Variants in TMEM9B observed in about 807,000 individuals in gnomAD.
TMEM9B encodes the protein TMEM9 domain family member B.
A neutral mutation model predicts 23.5 loss-of-function variants in TMEM9B; 8 were observed. That is an observed-to-expected ratio of 0.34 (90% CI 0.20 to 0.61). The LOEUF (loss-of-function observed/expected upper bound fraction) is 0.61. TMEM9B is among the 20% of genes least tolerant of loss of function. The pLI, the probability that TMEM9B is intolerant of heterozygous loss-of-function variation, is 0.78. For synonymous variants in TMEM9B, 106 were observed against 96.3 expected (o/e 1.10, Z -0.59); for missense variants, 197 against 252.3 (o/e 0.78, Z 1.49).
Position 8,964,243 on chromosome 11 carries a change from A to G in TMEM9B, c.71T>C (p.Val24Ala). Residue 24 changes from valine to alanine, a missense_variant, in exon 1 of 5, where the codon GTG becomes GCG. Around this residue, in one of 2 missense-constraint regions of TMEM9B, gnomAD observed 56 missense variants for 38.2 expected, o/e 1.46. Transcript: ENST00000534025. The stretch of plus-strand genomic sequence containing the variant: ...GTCTGACAGCTGCGCCAGCAGCAGC[A>G]CGGAAAGCGCCAGGCACGACAGGCT... ...LLSLSCLALS[V>A]LLLAQLSDAA... 2 of 1,595,094 alleles carry G rather than the reference A, an allele frequency of 1.3e-6. No homozygotes were observed. Among genetic ancestry groups the G allele is most frequent in the Non-Finnish European group, 1.7e-6 (2 of 1,171,740 alleles).
chr11:8,963,923 G>A, intron 1 of TMEM9B: 1 of 468,392 alleles, frequency 2.1e-6, no homozygotes, highest in East Asian at 3.9e-5. Context: ...CCGGGGCTGG[G>A]AAGGGAAATG....
chr11:8,948,518 G>A, intron 4 of TMEM9B, 43 bp from the exon 5 acceptor site: 2 of 1,594,464 alleles, frequency 1.3e-6, no homozygotes, highest in Non-Finnish European at 8.6e-7. Flanking sequence ...GGCACAGTCA[G>A]TGTAAAACAT....
At chr11:8,951,642 C>A (rs1853877601) in intron 4 of TMEM9B, among the ~76,000 whole-genome samples, 1 of 151,606 alleles carries the variant, frequency 6.6e-6, no homozygotes, top group African/African-American at 2.4e-5. Context: ...CCTGTAGTTC[C>A]AGCTACTTGG....
At chr11:8,960,138 GTTTTTTT>G (rs10550659) in intron 2 of TMEM9B, among the ~76,000 whole-genome samples, 2 of 83,702 alleles carry the variant, frequency 2.4e-5, no homozygotes, top group African/African-American at 4.3e-5. Context: ...CTTTGTTTCT[GTTTTTTT>G]TTTTTTTTTT....
At chr11:8,948,551 C>A in intron 4 of TMEM9B, 76 bp from the exon 5 acceptor site, 2 of 1,517,588 alleles carry the variant, frequency 1.3e-6, no homozygotes, top group Non-Finnish European at 1.8e-6. Flanking sequence ...GTGACCAGCC[C>A]GCCACAGAAA....
chr11:8,956,124 C>G, intron 3 of TMEM9B, 66 bp downstream of exon 3: 1 of 1,476,402 alleles, frequency 6.8e-7, no homozygotes, highest in Admixed American at 1.9e-5. Flanking sequence ...TGTCTAGAAA[C>G]CATCCAGAAG....
chr11:8,963,815 G>A (rs80027082), intron 1 of TMEM9B, among the ~76,000 whole-genome samples: 3,104 of 152,208 alleles, frequency 0.02, 49 homozygotes, highest in Middle Eastern at 0.034. Context: ...CGGGGCCTGT[G>A]AGGCTGGCGG....
chr11:8,948,596 C>G (rs1853819328), intron 4 of TMEM9B, 121 bp from the exon 5 acceptor site: 1 of 1,170,930 alleles, frequency 8.5e-7, no homozygotes, highest in African/African-American at 1.5e-5. Context: ...AACAGAGCAT[C>G]TATTTAGCTA....
intron 4 of TMEM9B, among the ~76,000 whole-genome samples, chr11:8,950,571 C>G (rs1272725586): frequency 2.0e-5 from 3 of 152,238 alleles, no homozygotes; most frequent in African/African-American, 7.2e-5. Context: ...GGTCTGCTCT[C>G]TATCCATCAG....
At chr11:8,952,017 G>C (rs1853885390) in intron 4 of TMEM9B, among the ~76,000 whole-genome samples, 1 of 151,864 alleles carries the variant, frequency 6.6e-6, no homozygotes. Context: ...GCTGAGGCAG[G>C]AGAATTGCTT....
chr11:8,962,968 T>C (rs1328201716), intron 1 of TMEM9B: 2 of 152,274 alleles, frequency 1.3e-5, no homozygotes, highest in Non-Finnish European at 2.9e-5. Context: ...GTGATATGTC[T>C]GGCAGAGCTA....
rs1425113073 is a variant in TMEM9B, at chr11:8,948,181, GT to G, written c.*138del. ...TTAACAAGAAAAAAAAATCAAGCAA[GT>G]TTTTGCTTCCAGTTTTGAATCTTCC... On this transcript the variant is annotated 3_prime_UTR_variant, in exon 5 of 5. Transcript: ENST00000534025. The G allele has an allele frequency of 4.7e-5, 53 of 1,116,794 alleles. No individual in the cohort carries two copies. The highest frequency in any genetic ancestry group is 5.6e-5 in the Non-Finnish European group (45 of 799,612). 69.2% of individuals were successfully genotyped at this position (1,116,794 alleles called of 1,614,324 possible). A position where few individuals can be genotyped will look rare whatever the true frequency, so the allele number is the denominator to read the frequency against.
rs932423688 is a variant in TMEM9B, at chr11:8,957,335, T to C, written c.198-1037A>G. Among the ~76,000 whole-genome samples, 1 of 152,246 alleles carries C rather than the reference T, an allele frequency of 6.6e-6. No individual in the cohort carries two copies. The highest frequency in any genetic ancestry group is 2.4e-5 in the African/African-American group (1 of 41,470). On this transcript the variant is annotated intron_variant, in intron 2 of 4. Transcript: ENST00000534025. This position sits in a 1 kb window ranked among gnomAD's most constrained non-coding sequence, Gnocchi z 4.3. ...TGTGTAAACACAGTGCTATCAGATT[T>C]TTCCTAGAAATCTGTCAATTCTAAG...
chr11:8,957,826 T>C lies in TMEM9B; in HGVS notation c.198-1528A>G, dbSNP rs943187674. 4.6e-5 allele frequency among the ~76,000 whole-genome samples: 7 copies of C among 152,254 alleles called. No individual in the cohort carries two copies. The highest frequency in any genetic ancestry group is 7.2e-5 in the African/African-American group (3 of 41,468). ...TCTTATATGAATTGAAACATCACTATGTATCCCATAAATACGTACAGTTAT... is the reference window on the plus strand; with the variant it reads ...TCTTATATGAATTGAAACATCACTACGTATCCCATAAATACGTACAGTTAT... On this transcript the variant is annotated intron_variant, in intron 2 of 4. Transcript: ENST00000534025. This position sits in a 1 kb window ranked among gnomAD's most constrained non-coding sequence, Gnocchi z 4.3.
chr11:8,951,259 C>T (rs796532554), intron 4 of TMEM9B, among the ~76,000 whole-genome samples: 2 of 152,232 alleles, frequency 1.3e-5, no homozygotes, highest in African/African-American at 2.4e-5. Context: ...AGACTTTCAA[C>T]GTCTATGCCT....
In TMEM9B at chr11:8,953,293, C is replaced by T. The variant is rs185313584; in HGVS notation, c.351G>A (p.Leu117=). 2.5e-6 allele frequency: 4 copies of T among 1,613,708 alleles called. No individual in the cohort carries two copies. Among genetic ancestry groups the T allele is most frequent in the Non-Finnish European group, 3.4e-6 (4 of 1,179,960 alleles). ...IYLSILGLLL[L]YMVYLTLVEP... Reference sequence around the variant, plus strand: ...CAACCAGAGTAAGATATACCATGTACAGAAGTAGAAGGCCCAAAATGGAGA... The same window carrying T: ...CAACCAGAGTAAGATATACCATGTATAGAAGTAGAAGGCCCAAAATGGAGA... The change falls in exon 4 of 5, where the codon CTG becomes CTA. Residue 117 remains leucine, a synonymous_variant. Coordinates refer to ENST00000534025, the MANE Select transcript of TMEM9B (RefSeq NM_020644.3).
chr11:8,950,135 A>G (rs1385137023), intron 4 of TMEM9B, among the ~76,000 whole-genome samples: 1 of 151,454 alleles, frequency 6.6e-6, no homozygotes, highest in African/African-American at 2.5e-5. Flanking sequence ...AAAAAGCTAA[A>G]AAAGAAAAAA....
Position 8,964,361 on chromosome 11 carries a change from C to A in TMEM9B, c.-48G>T, listed in dbSNP as rs756971700. The A allele has an allele frequency of 6.6e-6, 10 of 1,509,580 alleles. No homozygotes were observed. Among genetic ancestry groups the A allele is most frequent in the African/African-American group, 3.1e-5 (2 of 64,884 alleles). The allele number at this position is 1,509,580 out of a possible 1,614,324, so 93.5% of individuals were successfully genotyped here. On this transcript the variant is annotated 5_prime_UTR_variant, in exon 1 of 5. Transcript: ENST00000534025. The stretch of plus-strand genomic sequence containing the variant: ...CAGCCCGGAGCCCCCGCGACCGGCT[C>A]CCGGCTCGGGCTCAGGCTCAGGCTC...
At chr11:8,955,888 G>T (rs1286333123) in intron 3 of TMEM9B, among the ~76,000 whole-genome samples, 3 of 152,180 alleles carry the variant, frequency 2.0e-5, no homozygotes, top group Non-Finnish European at 4.4e-5. Context: ...GGCTGGAAAG[G>T]CAAGGAGAGG....
Sources: allele counts gnomAD v4.1 joint callset (sites outside exome capture counted in the v4.1 genomes callset), GRCh38; gene constraint gnomAD v4.1.1; regional missense constraint gnomAD v4.1.1; non-coding constraint Gnocchi (gnomAD v3.1); transcripts MANE v1.5; gene names NCBI Gene and HGNC (gene_info 2026-07-23, HGNC 2026-07-21).